MGAM: variants seen among roughly 807,000 people sequenced by gnomAD.
The protein encoded by MGAM is maltase-glucoamylase.
A neutral mutation model predicts 358.8 loss-of-function variants in MGAM; 253 were observed. The observed-to-expected ratio is 0.71, with a 90% confidence interval of 0.64 to 0.78. The LOEUF is 0.78. MGAM is among the 30% of genes least tolerant of loss of function. The probability of loss-of-function intolerance (pLI) is 0.00; values close to 1 mark genes in which losing one functional copy is unlikely to be tolerated. For synonymous variants in MGAM, 1,105 were observed against 1,227.1 expected (o/e 0.90, Z 2.08); for missense variants, 3,080 against 3,432.6 (o/e 0.90, Z 2.57).
At chr7:142,094,584 G>C (rs773806959) in intron 61 of MGAM, 36 bp from the exon 62 acceptor site, 1 of 1,566,496 alleles carries the variant, frequency 6.4e-7, no homozygotes, top group East Asian at 2.3e-5. Context: ...TCGTGAGAGC[G>C]AGCCTGGTGT....
intron 2 of MGAM, among the ~76,000 whole-genome samples, chr7:141,988,599 AG>A (rs1803812712): frequency 6.6e-6 from 1 of 152,116 alleles, no homozygotes; most frequent in Non-Finnish European, 1.5e-5. Flanking sequence ...TCCTGACCTC[AG>A]GTGATCCACC....
rs1439919267 is a variant in MGAM at position 142,044,469 on chromosome 7, G to T, written c.2499-3316G>T. 1.5e-5 allele frequency among the ~76,000 whole-genome samples: 2 copies of T among 131,940 alleles called. 1 individual carries two copies. Among genetic ancestry groups the T allele is most frequent in the Non-Finnish European group, 3.2e-5 (2 of 63,358 alleles). 86.6% of individuals were successfully genotyped at this position (131,940 alleles called of 152,430 possible). A position where few individuals can be genotyped will look rare whatever the true frequency, so the allele number is the denominator to read the frequency against. On this transcript the variant is annotated intron_variant, in intron 21 of 70. Coordinates refer to ENST00000475668, the MANE Select transcript of MGAM (RefSeq NM_001365693.1). Reference sequence around the variant, plus strand: ...AATATTATATACACATACGATATATGATATATAATGTATATTATATACACT... The same window carrying T: ...AATATTATATACACATACGATATATTATATATAATGTATATTATATACACT...
At chr7:142,032,157 T>C (rs1584949698) in intron 13 of MGAM, among the ~76,000 whole-genome samples, 1 of 151,910 alleles carries the variant, frequency 6.6e-6, no homozygotes, top group East Asian at 1.9e-4. Flanking sequence ...CTTTTGGACA[T>C]GTTGAACAAA....
intron 4 of MGAM, 130 bp downstream of exon 4, chr7:142,019,449 G>A: frequency 1.0e-6 from 1 of 990,270 alleles, no homozygotes; most frequent in Non-Finnish European, 1.4e-6. Context: ...GGTGGGCATT[G>A]CTCTTAATCG....
At chr7:142,013,033 G>A (rs1026913903) in intron 3 of MGAM, among the ~76,000 whole-genome samples, 1 of 152,140 alleles carries the variant, frequency 6.6e-6, no homozygotes, top group Admixed American at 6.6e-5. Context: ...GGGCGGCCCA[G>A]CTTCAACAGG....
Position 142,098,936 on chromosome 7 carries a change from C to T in MGAM, c.7750-677C>T, listed in dbSNP as rs1299892839. On this transcript the variant is annotated intron_variant, in intron 66 of 70. Coordinates refer to ENST00000475668, the MANE Select transcript of MGAM (RefSeq NM_001365693.1). ...TCTTCCCAAGTTTGGGTAACTATTA[C>T]TCATTCTAGAGCACAAGCTGGCAAA... Among the ~76,000 whole-genome samples the T allele has an allele frequency of 2.0e-5, 3 of 152,230 alleles. No homozygotes were observed. The East Asian group carries it at 5.8e-4, about 29-fold the overall frequency.
chr7:142,031,203 C>T (rs1554463658), intron 12 of MGAM, among the ~76,000 whole-genome samples: 1 of 152,066 alleles, frequency 6.6e-6, no homozygotes, highest in East Asian at 1.9e-4. Context: ...TTTGTTTGTC[C>T]TTGTTTTTTC....
At chr7:142,070,500 C>T (rs539479236) in intron 43 of MGAM, among the ~76,000 whole-genome samples, 1 of 146,202 alleles carries the variant, frequency 6.8e-6, no homozygotes, top group African/African-American at 2.4e-5. Context: ...TACCAGGGGA[C>T]ATTTGGCAAT....
rs778148451 is a variant in MGAM, at chr7:142,099,603, C to G, written c.7750-10C>G. On this transcript the variant is annotated splice_polypyrimidine_tract_variant and intron_variant, in intron 66 of 70. Transcript: ENST00000475668. ...CTCCTTAGTCATCTCTTACCTTCTTCTGCCTCCAGGGTGTGGATATTAATG... is the reference window on the plus strand; with the variant it reads ...CTCCTTAGTCATCTCTTACCTTCTTGTGCCTCCAGGGTGTGGATATTAATG... The G allele has an allele frequency of 1.9e-6, 3 of 1,613,832 alleles. No individual in the cohort carries two copies. The highest frequency in any genetic ancestry group is 2.7e-5 in the African/African-American group (2 of 75,056).
In MGAM at chr7:142,106,001, A is replaced by G; in HGVS notation, c.*110A>G. Reference sequence around the variant, plus strand: ...AATTTGTTCATACCCACTATTGGTGAAATATTTCTGTTAATTTTGTTATAT... The same window carrying G: ...AATTTGTTCATACCCACTATTGGTGGAATATTTCTGTTAATTTTGTTATAT... On this transcript the variant is annotated 3_prime_UTR_variant, in exon 71 of 71. Transcript: ENST00000475668. 4.7e-6 allele frequency: 4 copies of G among 848,522 alleles called. No individual in the cohort carries two copies. Among genetic ancestry groups the G allele is most frequent in the Non-Finnish European group, 5.7e-6 (3 of 523,328 alleles). 52.6% of individuals were successfully genotyped at this position (848,522 alleles called of 1,614,324 possible).
intron 14 of MGAM, among the ~76,000 whole-genome samples, chr7:142,033,674 G>A (rs1554464704): frequency 1.1e-4 from 16 of 152,128 alleles, no homozygotes. Flanking sequence ...TAATAGAGAA[G>A]CATGGTAGTC....
intron 45 of MGAM, 140 bp downstream of exon 45, chr7:142,074,313 T>C (rs765952263): frequency 5.9e-6 from 4 of 682,006 alleles, no homozygotes; most frequent in Admixed American, 2.9e-5. Context: ...TTGTTTCTGG[T>C]TGCACCATTC....
At chr7:142,036,318 T>C (rs1807990535) in intron 17 of MGAM, 33 bp downstream of exon 17, 3 of 1,516,682 alleles carry the variant, frequency 2.0e-6, no homozygotes, top group African/African-American at 1.4e-5. Flanking sequence ...TCAGAATAAA[T>C]TTGGCATACA....
At chr7:142,046,659 T>A (rs564004815) in intron 21 of MGAM, among the ~76,000 whole-genome samples, 6 of 152,250 alleles carry the variant, frequency 3.9e-5, no homozygotes, top group South Asian at 2.1e-4. Context: ...ATTGTTTTCA[T>A]CTCTTGGATA....
At chr7:142,098,796 A>G (rs1215131466) in intron 66 of MGAM, among the ~76,000 whole-genome samples, 1 of 152,232 alleles carries the variant, frequency 6.6e-6, no homozygotes, top group African/African-American at 2.4e-5. Context: ...TGAAGAGGAA[A>G]AGACAAAAGA....
chr7:142,086,366 G>T lies in MGAM; in HGVS notation c.6747+38G>T. On this transcript the variant is annotated intron_variant, in intron 56 of 70. Transcript: ENST00000475668. ...GCGATGATCCAGTAGTCCCTAGCCT[G>T]AGGGTGGGTCACTGTTAGAGGGTCA... is the stretch of plus-strand genomic sequence containing the variant. The T allele has an allele frequency of 2.1e-6, 3 of 1,447,422 alleles. 1 individual carries two copies. Among genetic ancestry groups the T allele is most frequent in the Non-Finnish European group, 2.8e-6 (3 of 1,058,220 alleles). 89.7% of individuals were successfully genotyped at this position (1,447,422 alleles called of 1,614,324 possible).
Position 142,071,096 on chromosome 7 carries a change from C to A in MGAM, c.5164C>A (p.Pro1722Thr). The stretch of plus-strand genomic sequence containing the variant: ...GGGCTACATCCTGCCCTGGCAAGAG[C>A]CTGCACTGAACACCCACTTAAGGTG... ...RGGYILPWQEPALNTHLSRKN... is the reference protein window; with the variant it reads ...RGGYILPWQETALNTHLSRKN... The change falls in exon 44 of 71, where the codon CCT becomes ACT. Residue 1722 changes from proline (P) to threonine (T), a missense_variant. Physicochemically the swap from Pro to Thr is conservative, Grantham distance 38. Coordinates refer to ENST00000475668, the MANE Select transcript of MGAM (RefSeq NM_001365693.1). The A allele has an allele frequency of 6.4e-7, 1 of 1,555,822 alleles. No homozygotes were observed. Among genetic ancestry groups the A allele is most frequent in the Non-Finnish European group, 8.8e-7 (1 of 1,132,246 alleles).
At position 142,076,548 on chromosome 7, in the gene MGAM, G is replaced by T; in HGVS notation, c.5326-111G>T. On this transcript the variant is annotated intron_variant, in intron 46 of 70. Coordinates refer to ENST00000475668, the MANE Select transcript of MGAM (RefSeq NM_001365693.1). ...AGACACTAGTAGAGAAAGCAGAGAG[G>T]CATTCATGGCAGTGGGGGGTATCCA... The T allele has an allele frequency of 3.0e-6, 3 of 1,015,276 alleles. 1 individual carries two copies. The highest frequency in any genetic ancestry group is 3.0e-6 in the Non-Finnish European group (2 of 667,618). The allele number at this position is 1,015,276 out of a possible 1,614,324, so 62.9% of individuals were successfully genotyped here. A position where few individuals can be genotyped will look rare whatever the true frequency, so the allele number is the denominator to read the frequency against.
At chr7:142,067,649 A>G (rs2061521425) in intron 42 of MGAM, among the ~76,000 whole-genome samples, 3 of 142,802 alleles carry the variant, frequency 2.1e-5, no homozygotes, top group Non-Finnish European at 4.8e-5. Context: ...TAGGATGATC[A>G]AGAAGAAAAC....
Sources: allele counts gnomAD v4.1 joint callset (sites outside exome capture counted in the v4.1 genomes callset), GRCh38; gene constraint gnomAD v4.1.1; transcripts MANE v1.5; gene names NCBI Gene and HGNC (gene_info 2026-07-23, HGNC 2026-07-21).